The following KIAA1217 variants were observed in gnomAD, a reference collection of about 807,000 sequenced individuals.
KIAA1217 encodes the protein KIAA1217.
A neutral mutation model predicts 163.9 loss-of-function variants in KIAA1217; 88 were observed. The observed-to-expected ratio is 0.54, with a 90% CI of 0.45 to 0.64. The LOEUF (loss-of-function observed/expected upper bound fraction) is 0.64, where lower values mean the gene tolerates loss of function less well. Among genes scored for constraint, KIAA1217 ranks in the 30% least tolerant of loss-of-function variants. The probability of loss-of-function intolerance (pLI) is 0.00; values close to 1 mark genes in which losing one functional copy is unlikely to be tolerated. For missense variants in KIAA1217, 2,372 were observed against 2,475.0 expected (o/e 0.96, Z 0.88); for synonymous variants, 903 against 923.1 (o/e 0.98, Z 0.39).
At chr10:23,899,441 A>G (rs1938046) in intron 1 of KIAA1217, among the ~76,000 whole-genome samples, 38,910 of 151,992 alleles carry the variant, frequency 0.26, 5,073 homozygotes, top group Middle Eastern at 0.33. Flanking sequence ...CTTTTTGTGC[A>G]TCTGACTTGA....
At chr10:24,249,567 T>A (rs1225940544) in intron 2 of KIAA1217, among the ~76,000 whole-genome samples, 1 of 152,212 alleles carries the variant, frequency 6.6e-6, no homozygotes, top group African/African-American at 2.4e-5. Context: ...ACTGGCTTTT[T>A]AAGACGTAAA....
chr10:24,371,761 C>T (rs2134513776), intron 2 of KIAA1217, among the ~76,000 whole-genome samples: 1 of 152,320 alleles, frequency 6.6e-6, no homozygotes. Context: ...GGCATGAATA[C>T]ATTCAGGTCA....
intron 1 of KIAA1217, among the ~76,000 whole-genome samples, chr10:23,712,547 C>G (rs1268042869): frequency 6.6e-6 from 1 of 152,050 alleles, no homozygotes; most frequent in African/African-American, 2.4e-5. Context: ...TGTAATTTAA[C>G]TATAACTTAC....
At chr10:23,879,658 A>T (rs1269538446) in intron 1 of KIAA1217, among the ~76,000 whole-genome samples, 1 of 151,954 alleles carries the variant, frequency 6.6e-6, no homozygotes, top group Non-Finnish European at 1.5e-5. Context: ...GATTGGAACC[A>T]GTCCTTCTAA....
chr10:24,200,305 C>A (rs1046614352), intron 2 of KIAA1217, among the ~76,000 whole-genome samples: 2 of 151,550 alleles, frequency 1.3e-5, no homozygotes, highest in South Asian at 2.1e-4. Flanking sequence ...AACTCCCGGG[C>A]TTCCGGCTAA....
At chr10:24,461,915 G>A (rs1239647061) in intron 5 of KIAA1217, among the ~76,000 whole-genome samples, 1 of 152,010 alleles carries the variant, frequency 6.6e-6, no homozygotes, top group African/African-American at 2.4e-5. Context: ...ATCTCTGAGG[G>A]GCATGGTCCT....
chr10:23,970,004 A>G (rs557576755), intron 1 of KIAA1217, among the ~76,000 whole-genome samples: 12 of 152,238 alleles, frequency 7.9e-5, no homozygotes, highest in African/African-American at 2.9e-4. Flanking sequence ...TGTGAGATTT[A>G]CTCACTACCA....
Position 23,859,013 on chromosome 10 carries a change from T to C in KIAA1217, c.-320-148212T>C, listed in dbSNP as rs572191560. ...TGCAGGAAGAAATTTAAACTTATTC[T>C]AAGCCAGTGGAGCACAAAGACCCTG... is the stretch of plus-strand genomic sequence containing the variant. On this transcript the variant is annotated intron_variant, in intron 1 of 18. Coordinates refer to the KIAA1217 transcript ENST00000376462. Among the ~76,000 whole-genome samples, 8 of 152,332 alleles carry C rather than the reference T, an allele frequency of 5.3e-5. No homozygotes were observed. In the South Asian group the frequency reaches 1.7e-3, roughly 32 times the overall value.
chr10:24,524,106 A>G (rs1183408319), intron 12 of KIAA1217, among the ~76,000 whole-genome samples: 1 of 152,108 alleles, frequency 6.6e-6, no homozygotes, highest in Non-Finnish European at 1.5e-5. Flanking sequence ...CTCATGATTC[A>G]TTTTCTTCTA....
intron 19 of KIAA1217, 25 bp from the exon 20 acceptor site, chr10:24,544,956 C>T (rs552679420): frequency 1.9e-6 from 3 of 1,609,054 alleles, no homozygotes; most frequent in Admixed American, 1.7e-5. Context: ...CCTTCTCTTC[C>T]CCCTCTCACT....
At chr10:24,365,062 C>T (rs2050587021) in intron 2 of KIAA1217, among the ~76,000 whole-genome samples, 1 of 152,152 alleles carries the variant, frequency 6.6e-6, no homozygotes, top group Admixed American at 6.6e-5. Context: ...GTCTCAGCCT[C>T]CCAAAGTGCT....
At chr10:24,166,812 T>C (rs1041778046) in intron 2 of KIAA1217, among the ~76,000 whole-genome samples, 4 of 152,184 alleles carry the variant, frequency 2.6e-5, no homozygotes, top group Non-Finnish European at 4.4e-5. Context: ...TTTAAGGTAA[T>C]GGACATCCCA....
chr10:23,738,102 A>G (rs1273259494), intron 1 of KIAA1217, among the ~76,000 whole-genome samples: 1 of 152,044 alleles, frequency 6.6e-6, no homozygotes, highest in Non-Finnish European at 1.5e-5. Context: ...AGCATTTGTT[A>G]TTGTAGAGGA....
chr10:24,050,677 A>G (rs1849437055), intron 2 of KIAA1217, among the ~76,000 whole-genome samples: 1 of 152,136 alleles, frequency 6.6e-6, no homozygotes, highest in Non-Finnish European at 1.5e-5. Context: ...CTGTTTTGGT[A>G]CCAGTACCAT....
chr10:24,353,884 A>G (rs2048759567), intron 2 of KIAA1217, among the ~76,000 whole-genome samples: 1 of 152,220 alleles, frequency 6.6e-6, no homozygotes, highest in Non-Finnish European at 1.5e-5. Flanking sequence ...TGAGCAAAAA[A>G]TGTGACTAGA....
chr10:23,782,841 T>C (rs1341400958), intron 1 of KIAA1217, among the ~76,000 whole-genome samples: 1 of 152,248 alleles, frequency 6.6e-6, no homozygotes, highest in Non-Finnish European at 1.5e-5. Flanking sequence ...CGTTATTATC[T>C]GATTGCTCTT....
chr10:24,536,529 G>A (rs2074038016), intron 16 of KIAA1217, among the ~76,000 whole-genome samples: 2 of 152,168 alleles, frequency 1.3e-5, no homozygotes, highest in South Asian at 4.1e-4. Flanking sequence ...AGGTAGTAAT[G>A]TCTATTTTAT....
chr10:24,299,539 T>C (rs990776236), intron 2 of KIAA1217, among the ~76,000 whole-genome samples: 1 of 152,064 alleles, frequency 6.6e-6, no homozygotes, highest in Non-Finnish European at 1.5e-5. Context: ...GCTGAGACCA[T>C]AGGTGTGCAC....
chr10:24,030,392 G>A (rs145000240), intron 2 of KIAA1217, among the ~76,000 whole-genome samples: 230 of 152,114 alleles, frequency 1.5e-3, no homozygotes, highest in Non-Finnish European at 2.4e-3. Flanking sequence ...TAAAAGTGAC[G>A]CTTCCCCCTT....
Sources: allele counts gnomAD v4.1 joint callset (sites outside exome capture counted in the v4.1 genomes callset), GRCh38; gene constraint gnomAD v4.1.1; transcripts MANE v1.5; gene names NCBI Gene and HGNC (gene_info 2026-07-23, HGNC 2026-07-21).